TLE1: variants seen among roughly 807,000 people sequenced by gnomAD.
TLE1 encodes the protein transducin-like enhancer protein 1.
A neutral mutation model predicts 89.8 loss-of-function variants in TLE1; 21 were observed. That is an observed-to-expected ratio of 0.23 (90% CI 0.17 to 0.34). The LOEUF (loss-of-function observed/expected upper bound fraction) is 0.34. TLE1 is among the 10% of genes least tolerant of loss of function. The pLI is 1.00. For missense variants in TLE1, 795 were observed against 1,031.2 expected (o/e 0.77, Z 3.14); for synonymous variants, 447 against 407.6 (o/e 1.10, Z -1.16).
At chr9:81,617,038 T>A (rs1189336286) in intron 9 of TLE1, among the ~76,000 whole-genome samples, 1 of 150,996 alleles carries the variant, frequency 6.6e-6, no homozygotes, top group African/African-American at 2.4e-5. Flanking sequence ...TCTCGAGGGA[T>A]GAAATCTTTA....
chr9:81,687,949 G>A (rs892206614), intron 1 of TLE1, among the ~76,000 whole-genome samples: 9 of 152,114 alleles, frequency 5.9e-5, no homozygotes, highest in Admixed American at 2.0e-4. Context: ...GAGGGGATAT[G>A]GCTGCAGGAG....
At chr9:81,636,145 T>C (rs1271703876) in intron 6 of TLE1, among the ~76,000 whole-genome samples, 5 of 152,138 alleles carry the variant, frequency 3.3e-5, no homozygotes, top group Admixed American at 3.3e-4. Flanking sequence ...TCTTGGAAAG[T>C]ATAAACTACT....
intron 6 of TLE1, among the ~76,000 whole-genome samples, chr9:81,637,883 T>C (rs1012115912): frequency 6.6e-6 from 1 of 152,052 alleles, no homozygotes; most frequent in African/African-American, 2.4e-5. Context: ...TACCTACCCA[T>C]TTCACAGACG....
chr9:81,591,857 CTG>C (rs1173587753), intron 15 of TLE1, among the ~76,000 whole-genome samples: 1 of 152,166 alleles, frequency 6.6e-6, no homozygotes, highest in Non-Finnish European at 1.5e-5. Flanking sequence ...TAAAAAAAGT[CTG>C]TGTTTCCAAA....
chr9:81,616,500 C>T (rs1824532250), intron 10 of TLE1, 146 bp downstream of exon 10: 2 of 739,034 alleles, frequency 2.7e-6, no homozygotes, highest in Admixed American at 2.7e-5. Flanking sequence ...TTGCTCCATA[C>T]ATGAGCAACC....
chr9:81,671,299 A>T (rs1432954466), intron 4 of TLE1, among the ~76,000 whole-genome samples: 1 of 152,104 alleles, frequency 6.6e-6, no homozygotes. Context: ...GGATTGCTTG[A>T]GCCCTGGAGT....
At chr9:81,608,871 A>T (rs1312373267) in intron 14 of TLE1, among the ~76,000 whole-genome samples, 1 of 151,876 alleles carries the variant, frequency 6.6e-6, no homozygotes, top group African/African-American at 2.4e-5. Flanking sequence ...CGGGAGGCAG[A>T]GGTTGCAGTG....
chr9:81,644,465 A>C (rs896603188), intron 6 of TLE1, among the ~76,000 whole-genome samples: 1 of 152,220 alleles, frequency 6.6e-6, no homozygotes, highest in African/African-American at 2.4e-5. Context: ...CAGGCATACA[A>C]GGCTACATAT....
At position 81,583,965 on chromosome 9, in the gene TLE1, C is replaced by G. The variant is rs1827995064; in HGVS notation, c.*233G>C. 1.9e-6 allele frequency: 1 copy of G among 520,814 alleles called. No homozygotes were observed. The highest frequency in any genetic ancestry group is 3.1e-5 in the Admixed American group (1 of 31,818). 32.3% of individuals were successfully genotyped at this position (520,814 alleles called of 1,614,324 possible). On this transcript the variant is annotated 3_prime_UTR_variant, in exon 20 of 20. Transcript: ENST00000376499. ...GATTCCGTTCCTCAATCCTACAACC[C>G]ATGGCCCCTCTGTCCGCTTGGCCTT... is the stretch of plus-strand genomic sequence containing the variant.
chr9:81,620,117 C>A (rs1825040366), intron 9 of TLE1, among the ~76,000 whole-genome samples: 1 of 151,924 alleles, frequency 6.6e-6, no homozygotes, highest in Non-Finnish European at 1.5e-5. Flanking sequence ...GAGATCAGAG[C>A]ATTACACCAA....
intron 4 of TLE1, among the ~76,000 whole-genome samples, chr9:81,674,136 G>GC (rs1160842322): frequency 3.9e-5 from 6 of 152,118 alleles, no homozygotes; most frequent in African/African-American, 1.4e-4. Flanking sequence ...AGAAAGAACA[G>GC]CCCTTCCCTT....
At chr9:81,686,024 A>C in intron 2 of TLE1, 128 bp from the exon 3 acceptor site, 4 of 895,470 alleles carry the variant, frequency 4.5e-6, no homozygotes, top group Non-Finnish European at 7.0e-6. Flanking sequence ...CTAGGTAAAC[A>C]CCCAAAAGCT....
chr9:81,584,473 G>A lies in TLE1; in HGVS notation c.2180C>T (p.Thr727Ile). 6.2e-7 allele frequency: 1 copy of A among 1,614,168 alleles called. No homozygotes were observed. The highest frequency in any genetic ancestry group is 8.5e-7 in the Non-Finnish European group (1 of 1,180,032). Residue 727 changes from threonine to isoleucine, a missense_variant, in exon 19 of 20, where the codon ACC (threonine) becomes ATC (isoleucine). Transcript: ENST00000376499. ...GKDNLLNAWR[T>I]PYGASIFQSK... ...CTGGAATATGCTGGCTCCATAGGGG[G>A]TCCGCCAAGCATTGAGGAGGTTATC...
chr9:81,660,973 A>ACG (rs1830704650), intron 4 of TLE1, among the ~76,000 whole-genome samples: 1 of 110,100 alleles, frequency 9.1e-6, no homozygotes, highest in African/African-American at 3.1e-5. Flanking sequence ...ACACACACAC[A>ACG]CACACATTTA....
At chr9:81,669,690 T>G (rs1339553205) in intron 4 of TLE1, among the ~76,000 whole-genome samples, 1 of 152,146 alleles carries the variant, frequency 6.6e-6, no homozygotes, top group East Asian at 1.9e-4. Context: ...AAATAAATCT[T>G]TTTTTCCCCA....
chr9:81,678,270 G>T (rs1469326424), intron 4 of TLE1, among the ~76,000 whole-genome samples: 1 of 152,148 alleles, frequency 6.6e-6, no homozygotes, highest in Non-Finnish European at 1.5e-5. Context: ...GTACAGAGGT[G>T]TGATCACAGC....
rs945120107 is a variant in TLE1 at position 81,583,905 on chromosome 9, C to T, written c.*293G>A. On this transcript the variant is annotated 3_prime_UTR_variant, in exon 20 of 20. Coordinates refer to ENST00000376499, the MANE Select transcript of TLE1 (RefSeq NM_005077.5). ...GGCAAGGCGTGATCCCCAGATCACCCAGAAAGAAAGAATGGGCTGTCATGT... is the reference window on the plus strand; with the variant it reads ...GGCAAGGCGTGATCCCCAGATCACCTAGAAAGAAAGAATGGGCTGTCATGT... 5 of 364,562 alleles carry T rather than the reference C, an allele frequency of 1.4e-5. No individual in the cohort carries two copies. The highest frequency in any genetic ancestry group is 1.0e-4 in the African/African-American group (5 of 49,304). 22.6% of individuals were successfully genotyped at this position (364,562 alleles called of 1,614,324 possible). A position where few individuals can be genotyped will look rare whatever the true frequency, so the allele number is the denominator to read the frequency against.
In TLE1 at chr9:81,587,715, C is replaced by A; in HGVS notation, c.1943G>T (p.Gly648Val). 6.2e-7 allele frequency: 1 copy of A among 1,613,766 alleles called. No homozygotes were observed. Among genetic ancestry groups the A allele is most frequent in the South Asian group, 1.1e-5 (1 of 91,044 alleles). The part of the protein sequence containing the change: ...NTVRSWDLRE[G>V]RQLQQHDFTS... ...GAAGTCGTGCTGCTGCAGCTGCCGC[C>A]CCTCGCGCAGGTCCCAGGACCTGAC... Residue 648 changes from glycine to valine, a missense_variant, in exon 17 of 20, where the codon GGG (glycine) becomes GTG (valine). This residue lies in a region of TLE1 where 214 missense variants were observed against 354.9 expected (regional missense o/e 0.60). Coordinates refer to ENST00000376499, the MANE Select transcript of TLE1 (RefSeq NM_005077.5).
At chr9:81,666,787 A>ATAAATAAATAAG (rs1831518836) in intron 4 of TLE1, among the ~76,000 whole-genome samples, 1 of 149,472 alleles carries the variant, frequency 6.7e-6, no homozygotes, top group Admixed American at 6.7e-5. Context: ...AAATAAATAA[A>ATAAATAAATAAG]TAAATAAATA....
Sources: gnomAD v4.1 joint callset for allele counts (sites outside exome capture counted in the v4.1 genomes callset) on GRCh38, gnomAD v4.1.1 for gene constraint, gnomAD v4.1.1 regional missense constraint, MANE v1.5 for transcripts, NCBI Gene and HGNC (gene_info 2026-07-23, HGNC 2026-07-21) for gene names.